WDR89: variants seen among roughly 807,000 people sequenced by gnomAD.
WDR89 encodes WD repeat-containing protein 89.
In WDR89, 17 loss-of-function variants were observed where a neutral mutation model predicts 29.1. That is an observed-to-expected ratio of 0.58 (90% confidence interval 0.40 to 0.88). WDR89 has a LOEUF of 0.88. Among genes scored for constraint, WDR89 ranks in the 40% least tolerant of loss-of-function variants. The pLI, the probability that WDR89 is intolerant of heterozygous loss-of-function variation, is 0.00. For missense variants in WDR89, 396 were observed against 456.3 expected, an observed-to-expected ratio of 0.87 and a Z score of 1.20; for synonymous variants, 138 against 157.8, an observed-to-expected ratio of 0.87 and a Z score of 0.94.
At chr14:63,637,336 C>T (rs2139581573) in intron 1 of WDR89, among the ~76,000 whole-genome samples, 1 of 152,254 alleles carries the variant, frequency 6.6e-6, no homozygotes. Flanking sequence ...AGTGCAACCA[C>T]TATGGAAAAC....
intron 2 of WDR89, among the ~76,000 whole-genome samples, chr14:63,610,199 G>A (rs891840633): frequency 4.0e-5 from 5 of 125,484 alleles, no homozygotes; most frequent in African/African-American, 6.5e-5. Context: ...TGGCCGGGGC[G>A]ACAGAGTAAG....
At chr14:63,631,545 A>AT (rs534869494) in intron 1 of WDR89, among the ~76,000 whole-genome samples, 1,524 of 151,150 alleles carry the variant, frequency 0.01, 19 homozygotes, top group African/African-American at 0.029. Flanking sequence ...AAAAAAAAAA[A>AT]TTTTTTTTTA....
intron 2 of WDR89, among the ~76,000 whole-genome samples, chr14:63,602,662 C>A (rs1895127072): frequency 6.6e-6 from 1 of 151,222 alleles, no homozygotes; most frequent in South Asian, 2.1e-4. Context: ...ATCCCAGCTA[C>A]TCGGGAGGCT....
At chr14:63,634,720 T>C (rs1343501515) in intron 1 of WDR89, among the ~76,000 whole-genome samples, 1 of 151,468 alleles carries the variant, frequency 6.6e-6, no homozygotes, top group Admixed American at 6.6e-5. Flanking sequence ...AAATACAAAA[T>C]TAGCCAGGCA....
intron 1 of WDR89, among the ~76,000 whole-genome samples, chr14:63,635,908 C>T (rs942010815): frequency 6.6e-6 from 1 of 152,172 alleles, no homozygotes; most frequent in Non-Finnish European, 1.5e-5. Context: ...ACAAACAAAA[C>T]TTAGGAATAT....
chr14:63,629,217 T>C (rs1883252089), intron 1 of WDR89, among the ~76,000 whole-genome samples: 1 of 152,206 alleles, frequency 6.6e-6, no homozygotes, highest in Admixed American at 6.5e-5. Flanking sequence ...CATTAGTGGA[T>C]TTAAGCAGAA....
At chr14:63,633,476 A>T (rs748221185) in intron 1 of WDR89, among the ~76,000 whole-genome samples, 2 of 152,196 alleles carry the variant, frequency 1.3e-5, no homozygotes, top group Non-Finnish European at 2.9e-5. Flanking sequence ...TCAGACAATA[A>T]AGCAATATTT....
At chr14:63,617,289 C>G (rs1163867813) in intron 2 of WDR89, among the ~76,000 whole-genome samples, 1 of 151,998 alleles carries the variant, frequency 6.6e-6, no homozygotes, top group African/African-American at 2.4e-5. Context: ...CCATGTTAGT[C>G]AGGCTGGTTG....
At chr14:63,608,492 A>T (rs1881737069) in intron 2 of WDR89, among the ~76,000 whole-genome samples, 3 of 152,210 alleles carry the variant, frequency 2.0e-5, no homozygotes, top group Admixed American at 2.0e-4. Context: ...GTCCAAAATT[A>T]AAAAGGTCCC....
chr14:63,608,664 ATG>A (rs1491091820), intron 2 of WDR89, among the ~76,000 whole-genome samples: 4 of 140,656 alleles, frequency 2.8e-5, no homozygotes, highest in African/African-American at 1.2e-4. Flanking sequence ...AGTGTGGTGC[ATG>A]CACACACACA....
intron 2 of WDR89, among the ~76,000 whole-genome samples, chr14:63,614,706 T>C (rs1209156262): frequency 2.6e-5 from 4 of 152,252 alleles, no homozygotes; most frequent in African/African-American, 9.6e-5. Context: ...GAGAAATGTA[T>C]GTGTATGTTT....
chr14:63,608,662 G>GCATGCACA (rs1555374150), intron 2 of WDR89, among the ~76,000 whole-genome samples: 1 of 131,978 alleles, frequency 7.6e-6, no homozygotes, highest in Non-Finnish European at 1.6e-5. Flanking sequence ...CCAGTGTGGT[G>GCATGCACA]CATGCACACA....
At chr14:63,639,505 A>C (rs1042737996) in intron 1 of WDR89, among the ~76,000 whole-genome samples, 1 of 152,194 alleles carries the variant, frequency 6.6e-6, no homozygotes, top group African/African-American at 2.4e-5. Context: ...GAAGTCACTA[A>C]ATCTGTTGTA....
intron 2 of WDR89, among the ~76,000 whole-genome samples, chr14:63,609,617 C>T (rs903930538): frequency 1.3e-5 from 2 of 152,068 alleles, no homozygotes; most frequent in African/African-American, 4.8e-5. Flanking sequence ...TGGTGAAATC[C>T]TCTCTCTACC....
chr14:63,634,320 G>C (rs192068912), intron 1 of WDR89, among the ~76,000 whole-genome samples: 8 of 152,236 alleles, frequency 5.3e-5, no homozygotes, highest in East Asian at 3.9e-4. Context: ...TCAGGAGCTC[G>C]TTACCAGCCT....
chr14:63,605,179 TATAC>T (rs200707202), intron 2 of WDR89, among the ~76,000 whole-genome samples: 10 of 142,566 alleles, frequency 7.0e-5, no homozygotes, highest in African/African-American at 1.4e-4. Context: ...TATATATATA[TATAC>T]ACACACACAC....
chr14:63,625,243 T>C (rs574175191), intron 1 of WDR89, among the ~76,000 whole-genome samples: 3 of 152,268 alleles, frequency 2.0e-5, no homozygotes, highest in African/African-American at 7.2e-5. Context: ...TAAATAACAT[T>C]CTGGAAAAAG....
chr14:63,610,557 AAT>A (rs1271039302), intron 2 of WDR89, among the ~76,000 whole-genome samples: 1 of 152,126 alleles, frequency 6.6e-6, no homozygotes, highest in Non-Finnish European at 1.5e-5. Flanking sequence ...CATCATCAGC[AAT>A]ATGTCATGTT....
intron 2 of WDR89, among the ~76,000 whole-genome samples, chr14:63,610,702 C>CT (rs1009799974): frequency 0.099 from 12,764 of 129,106 alleles, 721 homozygotes; most frequent in African/African-American, 0.12. Context: ...CTTTTCTTTT[C>CT]TTTTTTTTTT....
Sources: gnomAD v4.1 joint callset for allele counts (sites outside exome capture counted in the v4.1 genomes callset) on GRCh38, gnomAD v4.1.1 for gene constraint, MANE v1.5 for transcripts, NCBI Gene and HGNC (gene_info 2026-07-23, HGNC 2026-07-21) for gene names.